The following TUBB8B variants were observed in gnomAD, a reference collection of about 807,000 sequenced individuals.
The protein encoded by TUBB8B is HSA18p11 beta-tubulin 4Q pseudogene.
In TUBB8B, 26 loss-of-function variants were observed where a neutral mutation model predicts 31.9. The observed-to-expected ratio is 0.81, with a 90% CI of 0.60 to 1.13. TUBB8B has a LOEUF of 1.13. Among genes scored for constraint, TUBB8B ranks in the 50% most tolerant of loss-of-function variants. The pLI is 0.00. For missense variants in TUBB8B, 467 were observed against 586.7 expected, an observed-to-expected ratio of 0.80 and a Z score of 2.11; for synonymous variants, 173 against 231.0, an observed-to-expected ratio of 0.75 and a Z score of 2.28.
chr18:57,585 G>A, the TUBB8B span, among the ~76,000 whole-genome samples: 2 of 151,804 alleles, frequency 1.3e-5, no homozygotes, highest in African/African-American at 2.4e-5. Context: ...GGTTTTGTGT[G>A]CTTCTGGCTT....
Position 48,238 on chromosome 18 carries a change from TC to T in TUBB8B, c.486del (p.Ile163SerfsTer2). 6.2e-7 allele frequency: 1 copy of T among 1,612,232 alleles called. No individual in the cohort carries two copies. The highest frequency in any genetic ancestry group is 2.2e-5 in the East Asian group (1 of 44,872). ...ISKIREEYPD[R>X]IINTFSILPS... ...GGCAGGATGCTGAATGTGTTTATGA[TC>T]CTGTCTGGGTACTCCTCCCGGATCT... is the stretch of plus-strand genomic sequence containing the variant. On this transcript the variant is annotated frameshift_variant, in exon 4 of 4. Coordinates refer to ENST00000308911, the MANE Select transcript of TUBB8B (RefSeq NM_001358689.2). LOFTEE classifies it high-confidence loss of function.
the TUBB8B span, among the ~76,000 whole-genome samples, chr18:70,589 C>T: frequency 3.9e-5 from 6 of 152,132 alleles, no homozygotes; most frequent in African/African-American, 1.4e-4. Flanking sequence ...GAGCGGAGAT[C>T]GCGCCACTAC....
upstream of TUBB8B, among the ~76,000 whole-genome samples, chr18:51,542 C>A (rs1317353445): frequency 1.3e-5 from 2 of 149,644 alleles, no homozygotes; most frequent in African/African-American, 2.5e-5. Flanking sequence ...CGGGTTCAAG[C>A]GATTCTCCTG....
chr18:66,251 A>G, the TUBB8B span, among the ~76,000 whole-genome samples: 76 of 152,320 alleles, frequency 5.0e-4, no homozygotes, highest in Middle Eastern at 3.4e-3. Context: ...AAAAGAAATT[A>G]CATTTTAAAA....
chr18:55,176 A>G, the TUBB8B span, among the ~76,000 whole-genome samples: 25 of 151,864 alleles, frequency 1.6e-4, no homozygotes, highest in Non-Finnish European at 2.9e-4. Flanking sequence ...ATCTCGGTTC[A>G]CTGCAACCTC....
chr18:58,461 G>A, the TUBB8B span, among the ~76,000 whole-genome samples: 1 of 151,526 alleles, frequency 6.6e-6, no homozygotes, highest in Non-Finnish European at 1.5e-5. Context: ...TATAACCCTA[G>A]GGCATAACAG....
the TUBB8B span, among the ~76,000 whole-genome samples, chr18:66,295 T>C: frequency 1.3e-5 from 2 of 152,306 alleles, no homozygotes; most frequent in South Asian, 2.1e-4. Context: ...CTGACACCTG[T>C]AATCCCAATG....
the TUBB8B span, among the ~76,000 whole-genome samples, chr18:65,019 G>A: frequency 6.6e-6 from 1 of 152,070 alleles, no homozygotes; most frequent in African/African-American, 2.4e-5. Context: ...ATGTTCAAGA[G>A]GCCAGGTGCG....
upstream of TUBB8B, among the ~76,000 whole-genome samples, chr18:51,097 G>A (rs1209617163): frequency 1.3e-5 from 2 of 151,866 alleles, no homozygotes; most frequent in Non-Finnish European, 2.9e-5. Flanking sequence ...TTGAGCTGAG[G>A]TCGAGGCCAG....
chr18:61,858 T>C, the TUBB8B span, among the ~76,000 whole-genome samples: 1 of 150,008 alleles, frequency 6.7e-6, no homozygotes, highest in Non-Finnish European at 1.5e-5. Flanking sequence ...GTTTACTCTT[T>C]CTATTTGAGA....
rs748101171 is a variant in TUBB8B at position 47,516 on chromosome 18, C to T, written c.1209G>A (p.Met403Ile). 5 of 1,595,554 alleles carry T rather than the reference C, an allele frequency of 3.1e-6. No homozygotes were observed. The Admixed American group carries it at 5.0e-5, about 16-fold the overall frequency. The change falls in exon 4 of 4, where the codon ATG (methionine) becomes ATA (isoleucine). Residue 403 changes from methionine (M) to isoleucine (I), a missense_variant. Met to Ile is a conservative substitution (Grantham distance 10, BLOSUM62 1). Around this residue, in one of 2 missense-constraint regions of TUBB8B, gnomAD observed 208 missense variants for 206.7 expected, o/e 1.01. Transcript: ENST00000308911. ...AFLHWYTGEGMDEMEFTEAES... is the reference protein window; with the variant it reads ...AFLHWYTGEGIDEMEFTEAES... ...CGGCCTCGGTGAATTCCATCTCATC[C>T]ATGCCCTCGCCCGTGTACCAGTGGA...
At chr18:72,052 G>A in the TUBB8B span, among the ~76,000 whole-genome samples, 13 of 151,564 alleles carry the variant, frequency 8.6e-5, no homozygotes, top group East Asian at 5.9e-4. Flanking sequence ...TGTGGCAGGC[G>A]CCTGTAATCC....
At chr18:53,405 A>G (rs1906186269), upstream of TUBB8B, among the ~76,000 whole-genome samples, 1 of 151,922 alleles carries the variant, frequency 6.6e-6, no homozygotes, top group Non-Finnish European at 1.5e-5. Context: ...TTAATATGCA[A>G]GTTGACACAG....
upstream of TUBB8B, chr18:50,399 C>T (rs1940818): frequency 6.5e-6 from 1 of 154,702 alleles, no homozygotes; most frequent in Non-Finnish European, 1.4e-5. Flanking sequence ...TATCGGAGTA[C>T]ATTAGAGTTG....
the TUBB8B span, among the ~76,000 whole-genome samples, chr18:66,315 G>A: frequency 6.6e-6 from 1 of 152,198 alleles, no homozygotes. Flanking sequence ...GCTTTGGGAG[G>A]ACAAGAGAGG....
chr18:72,797 G>A, the TUBB8B span, among the ~76,000 whole-genome samples: 4 of 152,002 alleles, frequency 2.6e-5, no homozygotes, highest in Non-Finnish European at 4.4e-5. Context: ...GAGAAACCCC[G>A]TCTCTACTAA....
At chr18:54,112 T>G (rs1348125276), upstream of TUBB8B, among the ~76,000 whole-genome samples, 2 of 151,810 alleles carry the variant, frequency 1.3e-5, no homozygotes. Context: ...AATTAATTTC[T>G]AAGCCCCTAT....
At chr18:55,434 G>A in the TUBB8B span, among the ~76,000 whole-genome samples, 1 of 151,822 alleles carries the variant, frequency 6.6e-6, no homozygotes, top group South Asian at 2.1e-4. Flanking sequence ...AGGTTTAACT[G>A]AGTCACAGTT....
the TUBB8B span, among the ~76,000 whole-genome samples, chr18:72,087 A>G: frequency 8.0e-5 from 12 of 149,562 alleles, no homozygotes; most frequent in Non-Finnish European, 5.9e-5. Flanking sequence ...GCTGAGACAG[A>G]GCATTGCTTC....
Sources: allele counts gnomAD v4.1 joint callset (sites outside exome capture counted in the v4.1 genomes callset), GRCh38; gene constraint gnomAD v4.1.1; regional missense constraint gnomAD v4.1.1; transcripts MANE v1.5; gene names NCBI Gene and HGNC (gene_info 2026-07-23, HGNC 2026-07-21).